Variants in SOCS7 observed in about 807,000 individuals in gnomAD.
SOCS7 encodes the protein NAP-4.
SOCS7 carries 18 observed loss-of-function variants against 58.9 expected under a neutral mutation model. The ratio of observed to expected loss-of-function variants is 0.31; its 90% CI spans 0.21 to 0.45. SOCS7 has a LOEUF of 0.45. Ranked by LOEUF, SOCS7 falls within the 20% of genes least tolerant of loss-of-function variation. The probability of loss-of-function intolerance (pLI) is 1.00; values close to 1 mark genes in which losing one functional copy is unlikely to be tolerated. For synonymous variants in SOCS7, 388 were observed against 364.3 expected (o/e 1.06, Z -0.74); for missense variants, 667 against 837.3 (o/e 0.80, Z 2.51).
rs1390530830 is a variant in SOCS7, at chr17:38,400,335, A to G, written c.*853A>G. 6.6e-6 allele frequency: 1 copy of G among 152,228 alleles called. No individual in the cohort carries two copies. Among genetic ancestry groups the G allele is most frequent in the East Asian group, 1.9e-4 (1 of 5,200 alleles). The allele number at this position is 152,228 out of a possible 1,614,324, so 9.4% of individuals were successfully genotyped here. The stretch of plus-strand genomic sequence containing the variant: ...TAACAGCATCCCTATTGCTTCTGCC[A>G]GCTGTCATGGCAATCGTGTTTCCCA... On this transcript the variant is annotated 3_prime_UTR_variant, in exon 10 of 10. Coordinates refer to ENST00000612932, the MANE Select transcript of SOCS7 (RefSeq NM_014598.4).
chr17:38,357,120 A>G (rs1289227033), intron 1 of SOCS7, among the ~76,000 whole-genome samples: 2 of 152,180 alleles, frequency 1.3e-5, no homozygotes, highest in African/African-American at 4.8e-5. Flanking sequence ...CAAAATATAG[A>G]ATTCTGGAAA....
intron 7 of SOCS7, among the ~76,000 whole-genome samples, chr17:38,387,133 G>GTGTATGTATATATATATATATATA (rs1269515665): frequency 9.5e-5 from 7 of 73,494 alleles, no homozygotes; most frequent in Non-Finnish European, 1.4e-4. Flanking sequence ...ATATATGTAT[G>GTGTATGTATATATATATATATATA]TATATATATA....
chr17:38,366,175 G>A, intron 4 of SOCS7, 112 bp from the exon 5 acceptor site: 2 of 1,440,212 alleles, frequency 1.4e-6, no homozygotes, highest in Non-Finnish European at 1.9e-6. Context: ...TTCCAGCTTA[G>A]CTTCTAATGC....
chr17:38,355,253 G>T (rs887722650), intron 1 of SOCS7, among the ~76,000 whole-genome samples: 1 of 152,124 alleles, frequency 6.6e-6, no homozygotes, highest in African/African-American at 2.4e-5. Context: ...CTGTAAAATG[G>T]GTGAGCGTTG....
At chr17:38,391,182 TTATTAGTTC>T (rs2038169179) in intron 7 of SOCS7, among the ~76,000 whole-genome samples, 1 of 152,196 alleles carries the variant, frequency 6.6e-6, no homozygotes, top group African/African-American at 2.4e-5. Context: ...CATAACTCAT[TTATTAGTTC>T]TATTATGTAT....
In SOCS7 at chr17:38,376,395, A is replaced by G. The variant is rs538507524; in HGVS notation, c.1553-1319A>G. ...ACCTGTGCAGATGTGCAAACTCCACACAGACAGTGGTCCTGGCCGGAAATC... is the reference window on the plus strand; with the variant it reads ...ACCTGTGCAGATGTGCAAACTCCACGCAGACAGTGGTCCTGGCCGGAAATC... On this transcript the variant is annotated intron_variant, in intron 6 of 9. Transcript: ENST00000612932. 2.0e-5 allele frequency among the ~76,000 whole-genome samples: 3 copies of G among 152,246 alleles called. No individual in the cohort carries two copies. The South Asian group carries it at 6.2e-4, about 32-fold the overall frequency.
chr17:38,385,469 A>T (rs2038057561), intron 7 of SOCS7, among the ~76,000 whole-genome samples: 1 of 150,744 alleles, frequency 6.6e-6, no homozygotes. Context: ...TTAAATAGAA[A>T]ACCACAAAAA....
At chr17:38,371,338 G>A (rs538787314) in intron 6 of SOCS7, among the ~76,000 whole-genome samples, 7 of 151,622 alleles carry the variant, frequency 4.6e-5, no homozygotes, top group African/African-American at 1.7e-4. Flanking sequence ...GCAGTGGCGC[G>A]ATCTCAGCTC....
chr17:38,397,405 C>T (rs775023548), intron 9 of SOCS7, among the ~76,000 whole-genome samples: 2 of 152,190 alleles, frequency 1.3e-5, no homozygotes, highest in South Asian at 2.1e-4. Flanking sequence ...ACAAGTGGCT[C>T]CCTGCCGGCC....
intron 6 of SOCS7, among the ~76,000 whole-genome samples, chr17:38,368,292 G>A (rs1042252863): frequency 6.6e-6 from 1 of 152,132 alleles, no homozygotes; most frequent in Non-Finnish European, 1.5e-5. Context: ...TTCCTAAATA[G>A]GAGGGCCTGA....
rs927308653 is a variant in SOCS7, at chr17:38,399,656, A to C, written c.*174A>C. ...CAGCCCTGGGGCTTGGAAGAAGCAC[A>C]TGACCGTACTCTGCGTGGGGCTCCA... On this transcript the variant is annotated 3_prime_UTR_variant, in exon 10 of 10. Transcript: ENST00000612932. 3 of 152,668 alleles carry C rather than the reference A, an allele frequency of 2.0e-5. No homozygotes were observed. In the East Asian group the frequency reaches 5.8e-4, roughly 29 times the overall value. 9.5% of individuals were successfully genotyped at this position (152,668 alleles called of 1,614,324 possible).
chr17:38,353,717 A>G (rs575472190), intron 1 of SOCS7, among the ~76,000 whole-genome samples: 60 of 152,202 alleles, frequency 3.9e-4, no homozygotes, highest in Non-Finnish European at 8.8e-5. Flanking sequence ...CAGCCTGGGC[A>G]ACATGCGAAA....
chr17:38,374,910 C>T (rs2037912306), intron 6 of SOCS7, among the ~76,000 whole-genome samples: 1 of 152,180 alleles, frequency 6.6e-6, no homozygotes, highest in African/African-American at 2.4e-5. Context: ...GGCACTAAAA[C>T]CAAAGCAAAT....
In SOCS7 at chr17:38,352,227, TC is replaced by T; in HGVS notation, c.178del (p.Arg60GlyfsTer5). The T allele has an allele frequency of 7.3e-7, 1 of 1,372,682 alleles. No homozygotes were observed. The highest frequency in any genetic ancestry group is 9.3e-7 in the Non-Finnish European group (1 of 1,069,866). The allele number at this position is 1,372,682 out of a possible 1,614,324, so 85.0% of individuals were successfully genotyped here. ...CCTCGCGCGGCCCGGCCCGCGGGGC[TC>T]CCGGCCGCCGCAGCTGATGGTGTTC... ...PFLARPGPRG[S>X]RPPQLMVFRN... On this transcript the variant is annotated frameshift_variant, in exon 1 of 10. Transcript: ENST00000612932. LOFTEE classifies it high-confidence loss of function. This position sits in a 1 kb window ranked among gnomAD's most constrained non-coding sequence, Gnocchi z 5.5.
In SOCS7 at chr17:38,403,995, A is replaced by G. The variant is rs1877974628; in HGVS notation, c.*4513A>G. On this transcript the variant is annotated 3_prime_UTR_variant, in exon 10 of 10. Coordinates refer to ENST00000612932, the MANE Select transcript of SOCS7 (RefSeq NM_014598.4). Reference sequence around the variant, plus strand: ...AAAAAAGAAAAAGAAAAAAAAAAGAAAGAAAAGTGTGCCCCCCTCCTATGC... The same window carrying G: ...AAAAAAGAAAAAGAAAAAAAAAAGAGAGAAAAGTGTGCCCCCCTCCTATGC... The G allele has an allele frequency of 6.6e-6, 1 of 152,110 alleles. No individual in the cohort carries two copies. The allele number at this position is 152,110 out of a possible 1,614,324, so 9.4% of individuals were successfully genotyped here. A position where few individuals can be genotyped will look rare whatever the true frequency, so the allele number is the denominator to read the frequency against.
chr17:38,380,469 A>G (rs1299085989), intron 7 of SOCS7, among the ~76,000 whole-genome samples: 2 of 151,938 alleles, frequency 1.3e-5, no homozygotes, highest in Non-Finnish European at 2.9e-5. Flanking sequence ...CGCCTCTACT[A>G]AAAATACAAA....
Position 38,352,661 on chromosome 17 carries a change from C to G in SOCS7, c.609C>G (p.Ser203Arg). ...TNSCSEEELSSPGRGGGGGGR... is the reference protein window; with the variant it reads ...TNSCSEEELSRPGRGGGGGGR... Reference sequence around the variant, plus strand: ...GCTGCTCGGAAGAGGAGCTCAGCAGCCCGGGTCGCGGAGGAGGAGGGGGCG... The same window carrying G: ...GCTGCTCGGAAGAGGAGCTCAGCAGGCCGGGTCGCGGAGGAGGAGGGGGCG... Residue 203 changes from serine (S) to arginine (R), a missense_variant, in exon 1 of 10, where the codon AGC becomes AGG. This residue lies in a region of SOCS7 where 208 missense variants were observed against 190.3 expected (regional missense o/e 1.09). Coordinates refer to ENST00000612932, the MANE Select transcript of SOCS7 (RefSeq NM_014598.4). The surrounding 1 kb of genome is among the most constrained non-coding windows in gnomAD (Gnocchi z 5.5). The G allele has an allele frequency of 6.5e-7, 1 of 1,549,928 alleles. No individual in the cohort carries two copies. The highest frequency in any genetic ancestry group is 8.7e-7 in the Non-Finnish European group (1 of 1,146,826).
chr17:38,399,338 C>G (rs1251310464), intron 9 of SOCS7, among the ~76,000 whole-genome samples, 175 bp from the exon 10 acceptor site: 2 of 152,184 alleles, frequency 1.3e-5, no homozygotes, highest in Non-Finnish European at 2.9e-5. Flanking sequence ...GTCCCCCTGA[C>G]AAAGGCCACT....
At position 38,403,126 on chromosome 17, in the gene SOCS7, T is replaced by C. The variant is rs1445129800; in HGVS notation, c.*3644T>C. Reference sequence around the variant, plus strand: ...ATGTTACATCTTGGAACCTGAGCCATGGAGGTGGCGCCACCTCCCTGAGGA... The same window carrying C: ...ATGTTACATCTTGGAACCTGAGCCACGGAGGTGGCGCCACCTCCCTGAGGA... On this transcript the variant is annotated 3_prime_UTR_variant, in exon 10 of 10. Transcript: ENST00000612932. The C allele has an allele frequency of 6.6e-6, 1 of 152,098 alleles. No homozygotes were observed. The highest frequency in any genetic ancestry group is 1.5e-5 in the Non-Finnish European group (1 of 68,024). 9.4% of individuals were successfully genotyped at this position (152,098 alleles called of 1,614,324 possible). A position where few individuals can be genotyped will look rare whatever the true frequency, so the allele number is the denominator to read the frequency against.
Sources: allele counts gnomAD v4.1 joint callset (sites outside exome capture counted in the v4.1 genomes callset), GRCh38; gene constraint gnomAD v4.1.1; regional missense constraint gnomAD v4.1.1; non-coding constraint Gnocchi (gnomAD v3.1); transcripts MANE v1.5; gene names NCBI Gene and HGNC (gene_info 2026-07-23, HGNC 2026-07-21).